CEP95: variants seen among roughly 807,000 people sequenced by gnomAD.
CEP95 encodes the protein centrosomal protein 95.
Under a neutral mutation model 111.2 loss-of-function variants are expected in CEP95, and 98 were observed. The observed-to-expected ratio is 0.88, with a 90% CI of 0.75 to 1.04. CEP95 has a LOEUF of 1.04. Among genes scored for constraint, CEP95 ranks in the 50% least tolerant of loss-of-function variants. The pLI, the probability that CEP95 is intolerant of heterozygous loss-of-function variation, is 0.00. For synonymous variants in CEP95, 323 were observed against 327.1 expected, an observed-to-expected ratio of 0.99 and a Z score of 0.14; for missense variants, 1,027 against 977.2, an observed-to-expected ratio of 1.05 and a Z score of -0.68.
At chr17:64,518,848 T>G (rs1555677017) in intron 5 of CEP95, among the ~76,000 whole-genome samples, 1 of 151,998 alleles carries the variant, frequency 6.6e-6, no homozygotes, top group East Asian at 1.9e-4. Context: ...GTCCAGCTAA[T>G]TTTTTGTATT....
Position 64,526,176 on chromosome 17 carries a change from T to C in CEP95, c.1128T>C (p.Ser376=). The C allele has an allele frequency of 6.2e-7, 1 of 1,613,036 alleles. No homozygotes were observed. The highest frequency in any genetic ancestry group is 2.2e-5 in the East Asian group (1 of 44,828). The change falls in exon 10 of 20, where the codon TCT becomes TCC. Residue 376 remains serine, a synonymous_variant. Coordinates refer to ENST00000556440, the MANE Select transcript of CEP95 (RefSeq NM_138363.3). The part of the protein sequence containing the change: ...QELHDVSEKL[S]QRLSELDWML... ...TACATGATGTATCAGAAAAACTCTC[T>C]CAGCGGCTTTCTGAACTAGATTGGG...
At chr17:64,536,254 GC>G (rs1379215063) in intron 17 of CEP95, 2 of 162,254 alleles carry the variant, frequency 1.2e-5, no homozygotes, top group Non-Finnish European at 2.7e-5. Context: ...CTTGGGACCA[GC>G]CTGGGCAACA....
chr17:64,521,374 A>G, intron 6 of CEP95, 28 bp from the exon 7 acceptor site: 8 of 1,572,054 alleles, frequency 5.1e-6, no homozygotes, highest in Admixed American at 1.8e-5. Flanking sequence ...ATAGTTAAAA[A>G]TTTTACCTTT....
In CEP95 at chr17:64,537,617, G is replaced by A. The variant is rs781810559; in HGVS notation, c.2304G>A (p.Val768=). 9 of 1,608,468 alleles carry A rather than the reference G, an allele frequency of 5.6e-6. No individual in the cohort carries two copies. In the Admixed American group the frequency reaches 6.7e-5, roughly 12 times the overall value. Residue 768 remains valine (V), a synonymous_variant, in exon 20 of 20, where the codon GTG becomes GTA. Coordinates refer to ENST00000556440, the MANE Select transcript of CEP95 (RefSeq NM_138363.3). ...EKSQAQTLHK[V]KRELRSKMEK... ...TCTTTTTTCAGACATTACATAAGGT[G>A]AAGAGGGAGCTGAGATCTAAGATGG...
intron 7 of CEP95, among the ~76,000 whole-genome samples, chr17:64,522,014 G>A (rs1461564551): frequency 6.6e-6 from 1 of 151,784 alleles, no homozygotes; most frequent in Admixed American, 6.6e-5. Context: ...TTGCTACCAC[G>A]CCCAGCTAAC....
chr17:64,531,865 A>T, intron 13 of CEP95, 25 bp from the exon 14 acceptor site: 1 of 1,484,348 alleles, frequency 6.7e-7, no homozygotes, highest in African/African-American at 1.4e-5. Context: ...TTTTATTTTT[A>T]TTCTGTTTTA....
chr17:64,530,708 A>C (rs868990928), intron 12 of CEP95, among the ~76,000 whole-genome samples: 1 of 151,998 alleles, frequency 6.6e-6, no homozygotes, highest in Non-Finnish European at 1.5e-5. Context: ...GGGTTTCTCC[A>C]TGTTGGTCAG....
intron 1 of CEP95, chr17:64,507,858 A>G: frequency 2.0e-6 from 2 of 985,474 alleles, no homozygotes; most frequent in Non-Finnish European, 2.4e-6. Flanking sequence ...AGGCATTTCA[A>G]GGAACAAGTA....
At position 64,522,879 on chromosome 17, in the gene CEP95, A is replaced by G. The variant is rs1967469433; in HGVS notation, c.893A>G (p.His298Arg). ...CSPAVNSTGE[H>R]TEFSGDLDDG... ...CCAGCCGTAAATTCTACTGGAGAGC[A>G]TACGGAATTTTCTGGGGTAAGTGGA... Residue 298 changes from histidine (H) to arginine (R), a missense_variant, in exon 8 of 20, where the codon CAT (histidine) becomes CGT (arginine). His to Arg is a conservative substitution (Grantham distance 29). Coordinates refer to ENST00000556440, the MANE Select transcript of CEP95 (RefSeq NM_138363.3). The G allele has an allele frequency of 1.2e-6, 2 of 1,610,246 alleles. No homozygotes were observed. Among genetic ancestry groups the G allele is most frequent in the Non-Finnish European group, 8.5e-7 (1 of 1,178,476 alleles).
intron 4 of CEP95, chr17:64,516,208 T>C (rs2039135832): frequency 6.6e-6 from 1 of 152,266 alleles, no homozygotes; most frequent in Admixed American, 6.5e-5. Flanking sequence ...AGGTTTCACC[T>C]ACATGTATTT....
In CEP95 at chr17:64,514,347, C is replaced by CT. The variant is rs1555675901; in HGVS notation, c.357dup (p.His120SerfsTer2). 1 of 1,473,812 alleles carries CT rather than the reference C, an allele frequency of 6.8e-7. No individual in the cohort carries two copies. The highest frequency in any genetic ancestry group is 2.0e-5 in the Admixed American group (1 of 50,464). 91.3% of individuals were successfully genotyped at this position (1,473,812 alleles called of 1,614,324 possible). On this transcript the variant is annotated frameshift_variant, in exon 4 of 20. Transcript: ENST00000556440. LOFTEE classifies it high-confidence loss of function. ...CTTACAGAACGCATCAGTGAAACAT[C>CT]TCATGAGAAAAGTAAGTTTAAGAAT...
intron 5 of CEP95, among the ~76,000 whole-genome samples, chr17:64,517,070 G>A (rs554721878): frequency 3.3e-5 from 5 of 151,222 alleles, no homozygotes; most frequent in Admixed American, 1.3e-4. Context: ...TTTTTGAGAC[G>A]GAGTCTCATT....
chr17:64,525,157 A>G (rs1250842267), intron 8 of CEP95, among the ~76,000 whole-genome samples: 1 of 151,968 alleles, frequency 6.6e-6, no homozygotes, highest in Admixed American at 6.6e-5. Context: ...CCTGGCCAAC[A>G]TGCGAAACAC....
chr17:64,510,518 T>A (rs1555674634), intron 3 of CEP95, among the ~76,000 whole-genome samples: 2 of 152,060 alleles, frequency 1.3e-5, no homozygotes, highest in Non-Finnish European at 2.9e-5. Flanking sequence ...AGCTGGTAAT[T>A]TGAGGTGTGT....
intron 5 of CEP95, among the ~76,000 whole-genome samples, chr17:64,517,871 C>T (rs2144400335): frequency 6.6e-6 from 1 of 151,896 alleles, no homozygotes; most frequent in Middle Eastern, 3.4e-3. Context: ...TAAGTGTTCT[C>T]AAGTTGTTTA....
At chr17:64,512,729 A>G (rs1353261404) in intron 3 of CEP95, among the ~76,000 whole-genome samples, 4 of 152,200 alleles carry the variant, frequency 2.6e-5, no homozygotes, top group Non-Finnish European at 5.9e-5. Flanking sequence ...TTCTGTCTTA[A>G]GTTTTTTAAT....
chr17:64,531,948 G>A lies in CEP95; in HGVS notation c.1598G>A (p.Trp533Ter). Residue 533 changes from tryptophan to a stop codon, truncating the protein, a stop_gained, in exon 14 of 20, where the codon TGG becomes TAG. Transcript: ENST00000556440. LOFTEE classifies it high-confidence loss of function. The part of the protein sequence containing the change: ...RKGTPECSQP[W>*]KIYSRKTTTQ... ...GGAACTCCAGAATGTAGTCAGCCCT[G>A]GAAGATTTACTCTAGAAAAACCACA... 6.2e-7 allele frequency: 1 copy of A among 1,610,762 alleles called. No homozygotes were observed. The highest frequency in any genetic ancestry group is 8.5e-7 in the Non-Finnish European group (1 of 1,178,908).
chr17:64,508,342 T>A (rs1348060962), intron 1 of CEP95: 1 of 1,013,292 alleles, frequency 9.9e-7, no homozygotes, highest in Non-Finnish European at 1.2e-6. Context: ...ACAGTATCAA[T>A]TGAATTTGCA....
At chr17:64,510,152 T>G (rs190575565) in intron 2 of CEP95, 21 bp from the exon 3 acceptor site, 4 of 1,430,968 alleles carry the variant, frequency 2.8e-6, no homozygotes, top group Non-Finnish European at 2.9e-6. Context: ...TACAAAATTA[T>G]GTGATTTTTT....
Sources: gnomAD v4.1 joint callset for allele counts (sites outside exome capture counted in the v4.1 genomes callset) on GRCh38, gnomAD v4.1.1 for gene constraint, MANE v1.5 for transcripts, NCBI Gene and HGNC (gene_info 2026-07-23, HGNC 2026-07-21) for gene names.